Variants in NRAP observed in about 807,000 individuals in gnomAD.
NRAP encodes the protein nebulin-related-anchoring protein.
Under a neutral mutation model 225.9 loss-of-function variants are expected in NRAP, and 189 were observed. The observed-to-expected ratio is 0.84, with a 90% CI of 0.74 to 0.94. The LOEUF is 0.94. Ranked by LOEUF, NRAP falls within the 40% of genes least tolerant of loss-of-function variation. The pLI, the probability that NRAP is intolerant of heterozygous loss-of-function variation, is 0.00. For synonymous variants in NRAP, 769 were observed against 790.7 expected (o/e 0.97, Z 0.46); for missense variants, 2,176 against 2,168.7 (o/e 1.00, Z -0.07).
At position 113,629,136 on chromosome 10, in the gene NRAP, C is replaced by T. The variant is rs947501196; in HGVS notation, c.2041-115G>A. On this transcript the variant is annotated intron_variant, in intron 19 of 41. Transcript: ENST00000359988. ...CATTTGCCTTCCTAGAAGAACTGCTCCCTGCTCCTTTATGGTCAGGCAGAT... is the reference window on the plus strand; with the variant it reads ...CATTTGCCTTCCTAGAAGAACTGCTTCCTGCTCCTTTATGGTCAGGCAGAT... 3.5e-5 allele frequency: 27 copies of T among 772,794 alleles called. 1 individual carries two copies. The highest frequency in any genetic ancestry group is 3.3e-4 in the South Asian group (22 of 67,080). 47.9% of individuals were successfully genotyped at this position (772,794 alleles called of 1,614,324 possible). A position where few individuals can be genotyped will look rare whatever the true frequency, so the allele number is the denominator to read the frequency against.
At chr10:113,618,872 G>A (rs764096731) in intron 25 of NRAP, among the ~76,000 whole-genome samples, 17 of 152,218 alleles carry the variant, frequency 1.1e-4, no homozygotes, top group Non-Finnish European at 2.2e-4. Flanking sequence ...CTTGAACCCA[G>A]GAGGCGGAGG....
intron 36 of NRAP, among the ~76,000 whole-genome samples, chr10:113,597,528 G>A (rs1846352880): frequency 6.6e-6 from 1 of 152,180 alleles, no homozygotes; most frequent in African/African-American, 2.4e-5. Context: ...GAAGAAGGCA[G>A]TGTCACCTTC....
intron 35 of NRAP, 38 bp from the exon 36 acceptor site, chr10:113,598,111 G>A (rs1187875594): frequency 1.6e-6 from 2 of 1,218,776 alleles, no homozygotes; most frequent in Non-Finnish European, 2.4e-6. Flanking sequence ...TCAGGAGAGT[G>A]CTTAAGACTA....
At chr10:113,654,727 C>T (rs1335357662) in intron 4 of NRAP, among the ~76,000 whole-genome samples, 1 of 152,148 alleles carries the variant, frequency 6.6e-6, no homozygotes, top group African/African-American at 2.4e-5. Flanking sequence ...AGCTGTACCT[C>T]CAGGGCTGAG....
intron 38 of NRAP, among the ~76,000 whole-genome samples, chr10:113,592,632 G>A (rs537693183): frequency 9.5e-4 from 145 of 152,190 alleles, no homozygotes; most frequent in Admixed American, 1.2e-3. Context: ...TCAGTGCTTC[G>A]GGTTTGCAGC....
In NRAP at chr10:113,645,886, A is replaced by C; in HGVS notation, c.1049T>G (p.Leu350Arg). ...KMKGAAHYHS[L>R]PAQDNLVLKQ... ...GAGAACCAAGTTGTCTTGAGCTGGA[A>C]GCGAGTGATAATGTGCAGCGCCTTT... is the stretch of plus-strand genomic sequence containing the variant. The change falls in exon 11 of 42, where the codon CTT becomes CGT. Residue 350 changes from leucine to arginine, a missense_variant. Coordinates refer to ENST00000359988, the MANE Select transcript of NRAP (RefSeq NM_198060.4). 4.3e-6 allele frequency: 7 copies of C among 1,611,350 alleles called. No homozygotes were observed. The highest frequency in any genetic ancestry group is 5.1e-6 in the Non-Finnish European group (6 of 1,178,442).
chr10:113,643,698 G>A (rs974576585), intron 11 of NRAP, among the ~76,000 whole-genome samples: 4 of 152,144 alleles, frequency 2.6e-5, no homozygotes, highest in Admixed American at 6.5e-5. Context: ...TTAGCATGAG[G>A]CAGTTAAGGC....
At chr10:113,601,981 G>T (rs1846631891) in intron 35 of NRAP, among the ~76,000 whole-genome samples, 1 of 152,152 alleles carries the variant, frequency 6.6e-6, no homozygotes, top group African/African-American at 2.4e-5. Context: ...TGCCTCCTGG[G>T]CTCAAGCCAT....
chr10:113,602,955 C>T (rs1298586630), intron 35 of NRAP, among the ~76,000 whole-genome samples: 1 of 152,172 alleles, frequency 6.6e-6, no homozygotes, highest in African/African-American at 2.4e-5. Context: ...ATAAAGACCA[C>T]GGATGTTACT....
chr10:113,639,315 A>C (rs1849064313), intron 14 of NRAP, among the ~76,000 whole-genome samples: 1 of 152,182 alleles, frequency 6.6e-6, no homozygotes, highest in Non-Finnish European at 1.5e-5. Flanking sequence ...ATGTCTGGGC[A>C]CTGGGTTGGA....
Position 113,588,813 on chromosome 10 carries a change from A to G in NRAP, c.*162T>C. 1.6e-6 allele frequency: 1 copy of G among 640,486 alleles called. No individual in the cohort carries two copies. The allele number at this position is 640,486 out of a possible 1,614,324, so 39.7% of individuals were successfully genotyped here. A position where few individuals can be genotyped will look rare whatever the true frequency, so the allele number is the denominator to read the frequency against. On this transcript the variant is annotated 3_prime_UTR_variant, in exon 42 of 42. Coordinates refer to ENST00000359988, the MANE Select transcript of NRAP (RefSeq NM_198060.4). ...GTCTAGGTATCAGAGAGGACCACAA[A>G]TACAACATTCTCCATCTGCTTTCAG...
At chr10:113,626,906 C>G (rs535521894) in intron 20 of NRAP, among the ~76,000 whole-genome samples, 61 of 152,276 alleles carry the variant, frequency 4.0e-4, no homozygotes, top group Non-Finnish European at 7.2e-4. Context: ...TCTTGTCTTT[C>G]CTGAAGATTA....
At chr10:113,626,196 C>A in intron 20 of NRAP, 51 bp from the exon 21 acceptor site, 1 of 1,240,988 alleles carries the variant, frequency 8.1e-7, no homozygotes, top group Non-Finnish European at 1.1e-6. Flanking sequence ...GTTGCCCCTA[C>A]CACCCTACTC....
chr10:113,631,039 TC>T (rs1365955240), intron 18 of NRAP, among the ~76,000 whole-genome samples: 1 of 152,236 alleles, frequency 6.6e-6, no homozygotes, highest in Middle Eastern at 3.4e-3. Context: ...GCATCGTCAT[TC>T]CGATTGGCTG....
At chr10:113,641,212 C>T (rs1021908748) in intron 13 of NRAP, among the ~76,000 whole-genome samples, 153 bp downstream of exon 13, 4 of 152,106 alleles carry the variant, frequency 2.6e-5, no homozygotes, top group African/African-American at 9.7e-5. Context: ...TGGTTGTATC[C>T]GCTAACATTT....
Position 113,662,718 on chromosome 10 carries a change from T to C in NRAP, c.216A>G (p.Leu72=). Residue 72 remains leucine, a synonymous_variant, in exon 3 of 42, where the codon TTA becomes TTG. Coordinates refer to ENST00000359988, the MANE Select transcript of NRAP (RefSeq NM_198060.4). Reference sequence around the variant, plus strand: ...CTGGAAATGTCCTCACATTTAGATTTAATGGAGTGTGATAGACACTGGTGA... The same window carrying C: ...CTGGAAATGTCCTCACATTTAGATTCAATGGAGTGTGATAGACACTGGTGA... ...NTFTSVYHTP[L]NLNVRTFPEA... 6.2e-7 allele frequency: 1 copy of C among 1,601,282 alleles called. No individual in the cohort carries two copies. The highest frequency in any genetic ancestry group is 1.1e-5 in the South Asian group (1 of 90,854).
intron 9 of NRAP, among the ~76,000 whole-genome samples, chr10:113,648,181 G>A (rs1401804096): frequency 1.3e-5 from 2 of 152,168 alleles, no homozygotes; most frequent in Non-Finnish European, 2.9e-5. Context: ...CAGCACCAGG[G>A]CTTTGACTGT....
In NRAP at chr10:113,645,888, C is replaced by T. The variant is rs767638529; in HGVS notation, c.1047G>A (p.Ser349=). ...GAACCAAGTTGTCTTGAGCTGGAAG[C>T]GAGTGATAATGTGCAGCGCCTTTCA... is the stretch of plus-strand genomic sequence containing the variant. ...NKMKGAAHYH[S]LPAQDNLVLK... is the part of the protein sequence containing the mutation. The change falls in exon 11 of 42, where the codon TCG becomes TCA. Residue 349 remains serine, a synonymous_variant. Transcript: ENST00000359988. 32 of 1,610,488 alleles carry T rather than the reference C, an allele frequency of 2.0e-5. No individual in the cohort carries two copies. Among genetic ancestry groups the T allele is most frequent in the South Asian group, 4.4e-5 (4 of 90,668 alleles).
intron 31 of NRAP, 76 bp downstream of exon 31, chr10:113,610,383 A>C: frequency 1.3e-6 from 1 of 762,002 alleles, no homozygotes; most frequent in Non-Finnish European, 2.2e-6. Context: ...AGGAAGAAAG[A>C]AAAAGGAAAG....
Sources: gnomAD v4.1 joint callset for allele counts (sites outside exome capture counted in the v4.1 genomes callset) on GRCh38, gnomAD v4.1.1 for gene constraint, MANE v1.5 for transcripts, NCBI Gene and HGNC (gene_info 2026-07-23, HGNC 2026-07-21) for gene names.